AFF3: variants seen among roughly 807,000 people sequenced by gnomAD.
AFF3 encodes the protein ALF transcription elongation factor 3, also known as AF4/FMR2 family member 3.
In AFF3, 32 loss-of-function variants were observed where a neutral mutation model predicts 129.7. That is an observed-to-expected ratio of 0.25 (90% confidence interval 0.19 to 0.33). The LOEUF is 0.33. AFF3 is among the 10% of genes least tolerant of loss of function. AFF3 has a pLI of 1.00. For synonymous variants in AFF3, 644 were observed against 635.4 expected, an observed-to-expected ratio of 1.01 and a Z score of -0.20; for missense variants, 1,373 against 1,592.0, an observed-to-expected ratio of 0.86 and a Z score of 2.34.
intron 4 of AFF3, among the ~76,000 whole-genome samples, chr2:100,031,027 A>T (rs1684446069): frequency 6.6e-6 from 1 of 152,234 alleles, no homozygotes; most frequent in Admixed American, 6.5e-5. Context: ...GCAGAATGAG[A>T]TTATACATAT....
rs968376396 is a variant in AFF3, at chr2:99,774,332, C to T, written c.922-22031G>A. 1.9e-4 allele frequency among the ~76,000 whole-genome samples: 29 copies of T among 152,298 alleles called. No homozygotes were observed. The East Asian group carries it at 5.0e-3, about 26-fold the overall frequency. On this transcript the variant is annotated intron_variant, in intron 8 of 24. Coordinates refer to ENST00000672756, the MANE Select transcript of AFF3 (RefSeq NM_001386135.1). ...AAGCTGGAGGCATCACACTGCCCAACTTTAAACTATAATACAAGACTACAG... is the reference window on the plus strand; with the variant it reads ...AAGCTGGAGGCATCACACTGCCCAATTTTAAACTATAATACAAGACTACAG...
At chr2:99,648,917 A>ACACACACACACTCTCT in intron 13 of AFF3, among the ~76,000 whole-genome samples, 24 of 46,930 alleles carry the variant, frequency 5.1e-4, no homozygotes, top group African/African-American at 8.4e-4. Flanking sequence ...ACACACACAC[A>ACACACACACACTCTCT]CTCTCTCTCT....
At chr2:99,689,543 C>T (rs1199603359) in intron 11 of AFF3, among the ~76,000 whole-genome samples, 1 of 149,832 alleles carries the variant, frequency 6.7e-6, no homozygotes, top group East Asian at 2.0e-4. Context: ...AATGATTAGT[C>T]TTCATGTCTG....
At chr2:99,711,506 G>A (rs1188683526) in intron 11 of AFF3, among the ~76,000 whole-genome samples, 3 of 152,112 alleles carry the variant, frequency 2.0e-5, no homozygotes, top group African/African-American at 7.2e-5. Flanking sequence ...AGAGGCATGC[G>A]GGTGCAAAGA....
chr2:100,061,866 G>T (rs972662865), intron 4 of AFF3, among the ~76,000 whole-genome samples: 8 of 150,254 alleles, frequency 5.3e-5, no homozygotes, highest in East Asian at 2.1e-4. Context: ...GAGGGGGGGG[G>T]GGTGCCGACT....
chr2:99,695,703 C>T (rs891797000), intron 11 of AFF3, among the ~76,000 whole-genome samples: 2 of 152,010 alleles, frequency 1.3e-5, no homozygotes, highest in African/African-American at 4.8e-5. Context: ...TTCTCAAATG[C>T]ACAACACAGT....
intron 7 of AFF3, among the ~76,000 whole-genome samples, chr2:99,942,106 A>C (rs1035417359): frequency 6.6e-6 from 1 of 152,166 alleles, no homozygotes; most frequent in Non-Finnish European, 1.5e-5. Context: ...TTCTCTAGTG[A>C]ATCGTTCAGC....
At chr2:99,804,949 G>C (rs577835566) in intron 8 of AFF3, among the ~76,000 whole-genome samples, 1 of 151,888 alleles carries the variant, frequency 6.6e-6, no homozygotes, top group African/African-American at 2.4e-5. Context: ...GATGAAATGC[G>C]GGCAAGGGAT....
chr2:99,609,153 A>C (rs1680666710), intron 13 of AFF3, among the ~76,000 whole-genome samples: 1 of 152,198 alleles, frequency 6.6e-6, no homozygotes, highest in African/African-American at 2.4e-5. Flanking sequence ...TGGCTACTCC[A>C]TAGACAGAGC....
intron 4 of AFF3, among the ~76,000 whole-genome samples, chr2:100,078,671 G>A (rs1456819437): frequency 1.3e-5 from 2 of 152,132 alleles, no homozygotes; most frequent in Admixed American, 6.5e-5. Flanking sequence ...GAATTAAAAA[G>A]TCAAATGAGG....
At chr2:99,669,710 C>T (rs1422293432) in intron 12 of AFF3, among the ~76,000 whole-genome samples, 1 of 152,186 alleles carries the variant, frequency 6.6e-6, no homozygotes, top group Non-Finnish European at 1.5e-5. Context: ...TTGCTCACAC[C>T]TGTAATCCCA....
chr2:99,772,018 C>T (rs1006413226), intron 8 of AFF3, among the ~76,000 whole-genome samples: 2 of 152,206 alleles, frequency 1.3e-5, no homozygotes, highest in African/African-American at 4.8e-5. Context: ...AGTGTGAATG[C>T]AATCGACATG....
intron 11 of AFF3, among the ~76,000 whole-genome samples, chr2:99,724,062 C>T (rs982565394): frequency 1.3e-5 from 2 of 152,020 alleles, no homozygotes; most frequent in African/African-American, 2.4e-5. Flanking sequence ...CTGTTACTTT[C>T]GCCACCTACT....
intron 4 of AFF3, among the ~76,000 whole-genome samples, chr2:100,065,553 A>G (rs75720459): frequency 1.1e-3 from 163 of 152,358 alleles, no homozygotes; most frequent in Non-Finnish European, 1.9e-3. Context: ...AAACACAAAC[A>G]TTTATTTTAA....
chr2:99,779,195 G>A (rs1029647494), intron 8 of AFF3, among the ~76,000 whole-genome samples: 1 of 152,128 alleles, frequency 6.6e-6, no homozygotes, highest in East Asian at 1.9e-4. Flanking sequence ...AGCTGGAGGA[G>A]GGCTGCCTCT....
rs1156645748 is a variant in AFF3, at chr2:99,578,539, T to C, written c.2794-88A>G. On this transcript the variant is annotated intron_variant, in intron 17 of 24. Transcript: ENST00000672756. ...ACATACATACATACGTAGAATATCT[T>C]TGGCTCTACAGAACATCTTTGTGTG... 11 of 1,550,256 alleles carry C rather than the reference T, an allele frequency of 7.1e-6. No individual in the cohort carries two copies. The East Asian group carries it at 1.9e-4, about 27-fold the overall frequency.
At chr2:100,125,199 A>G (rs779979305) in intron 2 of AFF3, among the ~76,000 whole-genome samples, 2 of 152,222 alleles carry the variant, frequency 1.3e-5, no homozygotes, top group Non-Finnish European at 2.9e-5. Context: ...CTTACATTAC[A>G]ACAATAAACA....
intron 7 of AFF3, among the ~76,000 whole-genome samples, chr2:99,947,188 C>T (rs1490173797): frequency 6.6e-6 from 1 of 152,132 alleles, no homozygotes; most frequent in Non-Finnish European, 1.5e-5. Context: ...TGCCTGTAAT[C>T]CTAGCACTTT....
At chr2:99,852,478 G>A (rs968525387) in intron 7 of AFF3, among the ~76,000 whole-genome samples, 2 of 152,194 alleles carry the variant, frequency 1.3e-5, no homozygotes, top group Non-Finnish European at 2.9e-5. Flanking sequence ...TGTCCAGGGA[G>A]CTCATAATCT....
Sources: allele counts gnomAD v4.1 joint callset (sites outside exome capture counted in the v4.1 genomes callset), GRCh38; gene constraint gnomAD v4.1.1; transcripts MANE v1.5; gene names NCBI Gene and HGNC (gene_info 2026-07-23, HGNC 2026-07-21).